Variants in PTPRO observed in about 807,000 individuals in gnomAD.
The protein encoded by PTPRO is protein tyrosine phosphatase receptor type O, also known as receptor-type tyrosine-protein phosphatase O.
PTPRO carries 62 observed loss-of-function variants against 145.2 expected under a neutral mutation model. The ratio of observed to expected loss-of-function variants is 0.43; its 90% CI spans 0.35 to 0.53. The LOEUF (loss-of-function observed/expected upper bound fraction) is 0.53, where lower values mean the gene tolerates loss of function less well. Ranked by LOEUF, PTPRO falls within the 20% of genes least tolerant of loss-of-function variation. The pLI, the probability that PTPRO is intolerant of heterozygous loss-of-function variation, is 0.01. For synonymous variants in PTPRO, 565 were observed against 514.7 expected, an observed-to-expected ratio of 1.10 and a Z score of -1.32; for missense variants, 1,345 against 1,482.7, an observed-to-expected ratio of 0.91 and a Z score of 1.53.
At chr12:15,589,997 ACT>A (rs1944512641) in intron 25 of PTPRO, among the ~76,000 whole-genome samples, 2 of 152,152 alleles carry the variant, frequency 1.3e-5, no homozygotes, top group East Asian at 1.9e-4. Flanking sequence ...CCTCCGTGTG[ACT>A]CTATCCCAAT....
chr12:15,336,527 CA>C (rs1347852879), intron 1 of PTPRO, among the ~76,000 whole-genome samples: 2 of 152,074 alleles, frequency 1.3e-5, no homozygotes, highest in Middle Eastern at 3.2e-3. Flanking sequence ...ACACACATAG[CA>C]AAACTTCAGA....
rs112900700 is a variant in PTPRO, at chr12:15,425,619, A to C, written c.76-58355A>C. Reference sequence around the variant, plus strand: ...GGGTTTAGAACTTTAATCAATCTGCAATGTATTCTTGTGCATGATTTGAGT... The same window carrying C: ...GGGTTTAGAACTTTAATCAATCTGCCATGTATTCTTGTGCATGATTTGAGT... On this transcript the variant is annotated intron_variant, in intron 1 of 26. Transcript: ENST00000281171. Among the ~76,000 whole-genome samples, 1,355 of 152,268 alleles carry C rather than the reference A, an allele frequency of 8.9e-3. 21 individuals are homozygous for C. The highest frequency in any genetic ancestry group is 9.7e-3 in the Non-Finnish European group (662 of 68,008).
At chr12:15,564,586 C>T (rs1449103485) in intron 17 of PTPRO, among the ~76,000 whole-genome samples, 1 of 152,170 alleles carries the variant, frequency 6.6e-6, no homozygotes, top group South Asian at 2.1e-4. Context: ...CTGCTTCGTC[C>T]TGCTAAAAGC....
intron 1 of PTPRO, among the ~76,000 whole-genome samples, chr12:15,425,501 G>A (rs549011382): frequency 1.3e-5 from 2 of 152,098 alleles, no homozygotes; most frequent in South Asian, 4.2e-4. Flanking sequence ...TATGATACCT[G>A]TATTTTATAT....
At chr12:15,586,074 T>G (rs981592547) in intron 23 of PTPRO, among the ~76,000 whole-genome samples, 1 of 152,230 alleles carries the variant, frequency 6.6e-6, no homozygotes, top group African/African-American at 2.4e-5. Flanking sequence ...ATGATTACAC[T>G]TAATTCACAC....
intron 1 of PTPRO, among the ~76,000 whole-genome samples, chr12:15,449,603 TA>T (rs984114831): frequency 2.6e-5 from 4 of 152,144 alleles, no homozygotes; most frequent in African/African-American, 7.2e-5. Context: ...ACTATAGAAA[TA>T]AAAATATGGA....
rs552720127 is a variant in PTPRO at position 15,397,325 on chromosome 12, T to C, written c.75+74524T>C. 3.3e-5 allele frequency among the ~76,000 whole-genome samples: 5 copies of C among 152,328 alleles called. No homozygotes were observed. The South Asian group carries it at 1.0e-3, about 32-fold the overall frequency. On this transcript the variant is annotated intron_variant, in intron 1 of 26. Coordinates refer to ENST00000281171, the MANE Select transcript of PTPRO (RefSeq NM_030667.3). ...CCACTGTGAAATATGCTTTCACATATATTTCTGACTCCTTGCAATAACCCT... is the reference window on the plus strand; with the variant it reads ...CCACTGTGAAATATGCTTTCACATACATTTCTGACTCCTTGCAATAACCCT...
intron 12 of PTPRO, among the ~76,000 whole-genome samples, chr12:15,532,293 C>G (rs1481788304): frequency 6.6e-6 from 1 of 151,878 alleles, no homozygotes; most frequent in East Asian, 1.9e-4. Context: ...TTTAAATATG[C>G]CTTTTCATGA....
chr12:15,537,049 C>T (rs537777155), intron 12 of PTPRO, among the ~76,000 whole-genome samples: 4 of 152,118 alleles, frequency 2.6e-5, no homozygotes, highest in African/African-American at 4.8e-5. Flanking sequence ...GCAAGATTTG[C>T]GGCCTGAGCA....
In PTPRO at chr12:15,597,393, A is replaced by G. The variant is rs770681156; in HGVS notation, c.*1320A>G. 1 of 152,242 alleles carries G rather than the reference A, an allele frequency of 6.6e-6. No homozygotes were observed. Among genetic ancestry groups the G allele is most frequent in the Non-Finnish European group, 1.5e-5 (1 of 68,046 alleles). 9.4% of individuals were successfully genotyped at this position (152,242 alleles called of 1,614,324 possible). A position where few individuals can be genotyped will look rare whatever the true frequency, so the allele number is the denominator to read the frequency against. On this transcript the variant is annotated 3_prime_UTR_variant, in exon 27 of 27. Coordinates refer to ENST00000281171, the MANE Select transcript of PTPRO (RefSeq NM_030667.3). ...ACAAGCTGGCTGCTTCCCTGTGGCA[A>G]CTGTGGCTATTGTGAGCCTCCGTGT...
intron 1 of PTPRO, among the ~76,000 whole-genome samples, chr12:15,454,374 T>C (rs1484729045): frequency 6.6e-6 from 1 of 152,194 alleles, no homozygotes; most frequent in Non-Finnish European, 1.5e-5. Context: ...TAGAAAAAAA[T>C]GTCTATTTAA....
At chr12:15,475,759 C>G (rs12424657) in intron 1 of PTPRO, among the ~76,000 whole-genome samples, 35,049 of 152,048 alleles carry the variant, frequency 0.23, 4,472 homozygotes, top group Admixed American at 0.32. Flanking sequence ...CACTGACCAC[C>G]AGCAAACTTG....
intron 1 of PTPRO, among the ~76,000 whole-genome samples, chr12:15,469,627 TG>T (rs1390213499): frequency 4.6e-5 from 7 of 152,162 alleles, no homozygotes; most frequent in Non-Finnish European, 1.0e-4. Context: ...GGCTGTCATT[TG>T]CAGACAAAAC....
intron 1 of PTPRO, among the ~76,000 whole-genome samples, chr12:15,377,501 A>G (rs578022097): frequency 3.3e-5 from 5 of 151,306 alleles, no homozygotes; most frequent in African/African-American, 4.9e-5. Context: ...ACCAAAATTA[A>G]AAACTGTGAG....
chr12:15,361,082 C>T (rs1440989929), intron 1 of PTPRO, among the ~76,000 whole-genome samples: 1 of 150,048 alleles, frequency 6.7e-6, no homozygotes, highest in Non-Finnish European at 1.5e-5. Flanking sequence ...GAAACATATA[C>T]CAGTATAAGA....
At chr12:15,522,703 G>A (rs540364943) in intron 10 of PTPRO, among the ~76,000 whole-genome samples, 1 of 152,130 alleles carries the variant, frequency 6.6e-6, no homozygotes. Context: ...TCTTTGTTAG[G>A]CAATTCAGTT....
At chr12:15,366,497 A>T (rs1273172426) in intron 1 of PTPRO, among the ~76,000 whole-genome samples, 1 of 152,166 alleles carries the variant, frequency 6.6e-6, no homozygotes, top group Non-Finnish European at 1.5e-5. Flanking sequence ...TGCAAATTCC[A>T]TTTTTCTTAA....
At chr12:15,440,072 G>A (rs1940718144) in intron 1 of PTPRO, 1 of 636,162 alleles carries the variant, frequency 1.6e-6, no homozygotes, top group Admixed American at 2.3e-5. Flanking sequence ...CCCTTGCAAG[G>A]TGACAGACCG....
At chr12:15,397,850 T>C (rs1939385272) in intron 1 of PTPRO, among the ~76,000 whole-genome samples, 1 of 152,106 alleles carries the variant, frequency 6.6e-6, no homozygotes, top group Non-Finnish European at 1.5e-5. Context: ...CCATACCTGC[T>C]TAAGGACTTA....
Sources: allele counts gnomAD v4.1 joint callset (sites outside exome capture counted in the v4.1 genomes callset), GRCh38; gene constraint gnomAD v4.1.1; transcripts MANE v1.5; gene names NCBI Gene and HGNC (gene_info 2026-07-23, HGNC 2026-07-21).